Variants in TIMP2 observed in about 807,000 individuals in gnomAD.
TIMP2 encodes the protein TIMP metallopeptidase inhibitor 2, also known as metalloproteinase inhibitor 2.
TIMP2 carries 5 observed loss-of-function variants against 24.3 expected under a neutral mutation model. That is an observed-to-expected ratio of 0.21 (90% CI 0.11 to 0.43). TIMP2 has a LOEUF of 0.43. Among genes scored for constraint, TIMP2 ranks in the 20% least tolerant of loss-of-function variants. The pLI, the probability that TIMP2 is intolerant of heterozygous loss-of-function variation, is 1.00. For synonymous variants in TIMP2, 130 were observed against 123.2 expected (o/e 1.06, Z -0.37); for missense variants, 221 against 297.5 (o/e 0.74, Z 1.89).
intron 1 of TIMP2, among the ~76,000 whole-genome samples, chr17:78,900,565 T>C (rs2070075487): frequency 6.6e-6 from 1 of 151,932 alleles, no homozygotes; most frequent in African/African-American, 2.4e-5. Context: ...AAAAATGTGT[T>C]TTTTAATAAA....
At chr17:78,887,736 G>GAA (rs34363852) in intron 1 of TIMP2, among the ~76,000 whole-genome samples, 1 of 127,490 alleles carries the variant, frequency 7.8e-6, no homozygotes. Context: ...TTTTTCTGGG[G>GAA]AAAAAAAAAA....
At chr17:78,919,475 C>T (rs1032325212) in intron 1 of TIMP2, among the ~76,000 whole-genome samples, 4 of 152,160 alleles carry the variant, frequency 2.6e-5, no homozygotes, top group Admixed American at 2.0e-4. Flanking sequence ...TCCCCAGTGC[C>T]GTCCTCCAGA....
intron 1 of TIMP2, among the ~76,000 whole-genome samples, chr17:78,889,255 C>A (rs934771269): frequency 6.6e-6 from 1 of 152,188 alleles, no homozygotes; most frequent in Non-Finnish European, 1.5e-5. Context: ...AGAGAAGCTA[C>A]CCAGTGTGAG....
intron 3 of TIMP2, among the ~76,000 whole-genome samples, chr17:78,858,076 A>T (rs1016857237): frequency 6.6e-6 from 1 of 151,280 alleles, no homozygotes; most frequent in Admixed American, 6.6e-5. Flanking sequence ...CGTCTCAAAA[A>T]AATAAAAAGT....
At chr17:78,916,370 C>T (rs1376151377) in intron 1 of TIMP2, among the ~76,000 whole-genome samples, 1 of 152,194 alleles carries the variant, frequency 6.6e-6, no homozygotes, top group African/African-American at 2.4e-5. Flanking sequence ...TCCAAGGCCC[C>T]GTTACACAAT....
At chr17:78,857,732 G>A in intron 3 of TIMP2, 86 bp from the exon 4 acceptor site, 1 of 1,563,192 alleles carries the variant, frequency 6.4e-7, no homozygotes, top group Non-Finnish European at 8.7e-7. Context: ...AGGGGCGCTG[G>A]GATTTCGTTG....
At chr17:78,872,588 G>C (rs747436453) in intron 2 of TIMP2, among the ~76,000 whole-genome samples, 1 of 152,166 alleles carries the variant, frequency 6.6e-6, no homozygotes, top group South Asian at 2.1e-4. Flanking sequence ...CTTGTACCAG[G>C]AAAGGTTATG....
chr17:78,890,905 G>A (rs2069879758), intron 1 of TIMP2: 1 of 1,550,772 alleles, frequency 6.4e-7, no homozygotes, highest in East Asian at 2.4e-5. Context: ...CAGCTTTGTA[G>A]TGGATTTCCA....
chr17:78,903,002 C>A, intron 1 of TIMP2: 1 of 152,552 alleles, frequency 6.6e-6, no homozygotes, highest in Non-Finnish European at 1.5e-5. Context: ...GGAGCCCCTC[C>A]TTGGCCCACT....
rs2069502087 is a variant in TIMP2 at position 78,853,733 on chromosome 17, A to G, written c.*1934T>C. ...AGTCTAATACCTACCAAGGGTAATA[A>G]AAAACACAGCACAGGAATGATTACA... On this transcript the variant is annotated 3_prime_UTR_variant, in exon 5 of 5. Coordinates refer to ENST00000262768, the MANE Select transcript of TIMP2 (RefSeq NM_003255.5). 6.6e-6 allele frequency: 1 copy of G among 152,608 alleles called. No homozygotes were observed. The highest frequency in any genetic ancestry group is 6.5e-5 in the Admixed American group (1 of 15,276). The allele number at this position is 152,608 out of a possible 1,614,324, so 9.5% of individuals were successfully genotyped here. A position where few individuals can be genotyped will look rare whatever the true frequency, so the allele number is the denominator to read the frequency against.
rs8076624 is a variant in TIMP2 at position 78,919,363 on chromosome 17, T to C, written c.130+5596A>G. On this transcript the variant is annotated intron_variant, in intron 1 of 4. Coordinates refer to ENST00000262768, the MANE Select transcript of TIMP2 (RefSeq NM_003255.5). ...ATCCCCAGGCTCCTCTTTGGCCTAC[T>C]CTGTACCCAGAACTCTCACCTTTCC... Among the ~76,000 whole-genome samples, 501 of 152,322 alleles carry C rather than the reference T, an allele frequency of 3.3e-3. 2 individuals are homozygous for C. Among genetic ancestry groups the C allele is most frequent in the Non-Finnish European group, 5.1e-3 (345 of 68,030 alleles).
intron 1 of TIMP2, among the ~76,000 whole-genome samples, chr17:78,886,355 CTAAGG>C (rs1288590666): frequency 5.3e-5 from 8 of 152,070 alleles, no homozygotes; most frequent in Non-Finnish European, 1.2e-4. Context: ...GGCTTCCAGG[CTAAGG>C]CAGGAAGACC....
At position 78,859,476 on chromosome 17, in the gene TIMP2, A is replaced by G. The variant is rs941698143; in HGVS notation, c.341-1830T>C. Among the ~76,000 whole-genome samples the G allele has an allele frequency of 2.6e-5, 4 of 152,124 alleles. No homozygotes were observed. The South Asian group carries it at 8.3e-4, about 32-fold the overall frequency. On this transcript the variant is annotated intron_variant, in intron 3 of 4. Transcript: ENST00000262768. ...GGAGTTCGAGACCAGCCTGGCCAAC[A>G]TGGCGAAACCCCGTCTCTACTAAAA...
At chr17:78,864,963 A>C (rs1013818410) in intron 3 of TIMP2, among the ~76,000 whole-genome samples, 1 of 152,082 alleles carries the variant, frequency 6.6e-6, no homozygotes, top group Non-Finnish European at 1.5e-5. Context: ...CTGAGGCAGG[A>C]AAATTGCTTG....
chr17:78,916,612 G>C (rs1167241723), intron 1 of TIMP2, among the ~76,000 whole-genome samples: 1 of 152,140 alleles, frequency 6.6e-6, no homozygotes, highest in Non-Finnish European at 1.5e-5. Flanking sequence ...CCCAGTGCAG[G>C]TGGGAGCTCT....
At chr17:78,918,090 A>T (rs964962456) in intron 1 of TIMP2, among the ~76,000 whole-genome samples, 4 of 150,024 alleles carry the variant, frequency 2.7e-5, no homozygotes, top group African/African-American at 7.5e-5. Context: ...ACACACACAC[A>T]CACACACACA....
At chr17:78,895,934 GC>G (rs984895827) in intron 1 of TIMP2, among the ~76,000 whole-genome samples, 1 of 152,218 alleles carries the variant, frequency 6.6e-6, no homozygotes, top group African/African-American at 2.4e-5. Context: ...CTCTGGAAGT[GC>G]CCCCAGCCCG....
At chr17:78,887,293 G>A (rs571947082) in intron 1 of TIMP2, among the ~76,000 whole-genome samples, 9 of 152,274 alleles carry the variant, frequency 5.9e-5, no homozygotes, top group South Asian at 2.1e-4. Context: ...CATCATCTGC[G>A]TCCTCCACCA....
At chr17:78,910,772 T>C (rs1257973912) in intron 1 of TIMP2, among the ~76,000 whole-genome samples, 1 of 152,200 alleles carries the variant, frequency 6.6e-6, no homozygotes, top group Non-Finnish European at 1.5e-5. Flanking sequence ...ATGACAAGAT[T>C]TCATTCTGTT....
Sources: allele counts gnomAD v4.1 joint callset (sites outside exome capture counted in the v4.1 genomes callset), GRCh38; gene constraint gnomAD v4.1.1; transcripts MANE v1.5; gene names NCBI Gene and HGNC (gene_info 2026-07-23, HGNC 2026-07-21).